The following SFTPA1 variants were observed in gnomAD, a reference collection of about 807,000 sequenced individuals.
SFTPA1 encodes the protein pulmonary surfactant-associated protein A1.
In SFTPA1, 13 loss-of-function variants were observed where a neutral mutation model predicts 19.1. That is an observed-to-expected ratio of 0.68 (90% CI 0.44 to 1.08). SFTPA1 has a LOEUF of 1.08. Ranked by LOEUF, SFTPA1 falls within the 50% of genes least tolerant of loss-of-function variation. The probability of loss-of-function intolerance (pLI) is 0.00; values close to 1 mark genes in which losing one functional copy is unlikely to be tolerated. For missense variants in SFTPA1, 259 were observed against 316.4 expected (o/e 0.82, Z 1.38); for synonymous variants, 101 against 117.0 (o/e 0.86, Z 0.88).
intron 2 of SFTPA1, 84 bp downstream of exon 2, chr10:79,611,473 A>G: frequency 8.9e-7 from 1 of 1,120,564 alleles, no homozygotes; most frequent in Non-Finnish European, 1.3e-6. Context: ...CAGAGAGGTG[A>G]AGCCAGTTTC....
At chr10:79,612,121 T>G in intron 3 of SFTPA1, 124 bp downstream of exon 3, 2 of 1,585,542 alleles carry the variant, frequency 1.3e-6, no homozygotes, top group Admixed American at 1.7e-5. Context: ...TGGGTGGGAC[T>G]TCAGTCTGCA....
At chr10:79,613,689 T>C (rs777598746) in intron 5 of SFTPA1, 48 bp from the exon 6 acceptor site, 9 of 1,613,788 alleles carry the variant, frequency 5.6e-6, no homozygotes, top group Non-Finnish European at 2.5e-6. Flanking sequence ...GGGAGGTGGC[T>C]TAGAGACAAA....
At chr10:79,612,530 C>A in intron 4 of SFTPA1, 99 bp downstream of exon 4, 1 of 1,566,376 alleles carries the variant, frequency 6.4e-7, no homozygotes, top group South Asian at 1.1e-5. Flanking sequence ...CCTACAGGTT[C>A]CCCAAGGGCA....
chr10:79,615,081 T>C lies in SFTPA1; in HGVS notation c.*968T>C. The C allele has an allele frequency of 7.7e-7, 1 of 1,305,256 alleles. No homozygotes were observed. Among genetic ancestry groups the C allele is most frequent in the East Asian group, 5.5e-5 (1 of 18,026 alleles). 80.9% of individuals were successfully genotyped at this position (1,305,256 alleles called of 1,614,324 possible). A position where few individuals can be genotyped will look rare whatever the true frequency, so the allele number is the denominator to read the frequency against. ...CTGTGAAATGGGAATAAGATACTTG[T>C]TGCTGTCACAGTTATTACCATCCCC... On this transcript the variant is annotated 3_prime_UTR_variant, in exon 6 of 6. Coordinates refer to ENST00000398636, the MANE Select transcript of SFTPA1 (RefSeq NM_005411.5).
Position 79,615,102 on chromosome 10 carries a change from TC to T in SFTPA1, c.*995del, listed in dbSNP as rs1014704721. The T allele has an allele frequency of 3.4e-4, 439 of 1,303,966 alleles. 9 individuals carry two copies. The South Asian group carries it at 3.5e-3, about 10-fold the overall frequency. The allele number at this position is 1,303,966 out of a possible 1,614,324, so 80.8% of individuals were successfully genotyped here. ...CTTGTTGCTGTCACAGTTATTACCA[TC>T]CCCCCAGCTACCAAAATTACTACCA... is the stretch of plus-strand genomic sequence containing the variant. On this transcript the variant is annotated 3_prime_UTR_variant, in exon 6 of 6. Coordinates refer to ENST00000398636, the MANE Select transcript of SFTPA1 (RefSeq NM_005411.5).
At position 79,615,054 on chromosome 10, in the gene SFTPA1, A is replaced by C. The variant is rs927559330; in HGVS notation, c.*941A>C. On this transcript the variant is annotated 3_prime_UTR_variant, in exon 6 of 6. Transcript: ENST00000398636. ...TTTTTTTCCCAGAGCTTATGTCTTCATCTGTGAAATGGGAATAAGATACTT... is the reference window on the plus strand; with the variant it reads ...TTTTTTTCCCAGAGCTTATGTCTTCCTCTGTGAAATGGGAATAAGATACTT... The C allele has an allele frequency of 3.1e-6, 4 of 1,305,260 alleles. No homozygotes were observed. The South Asian group carries it at 3.7e-5, about 12-fold the overall frequency. The allele number at this position is 1,305,260 out of a possible 1,614,324, so 80.9% of individuals were successfully genotyped here.
At position 79,614,817 on chromosome 10, in the gene SFTPA1, G is replaced by A. The variant is rs1136479; in HGVS notation, c.*704G>A. The A allele has an allele frequency of 3.1e-5, 13 of 414,050 alleles. No homozygotes were observed. Among genetic ancestry groups the A allele is most frequent in the African/African-American group, 8.4e-5 (4 of 47,444 alleles). The allele number at this position is 414,050 out of a possible 1,614,324, so 25.6% of individuals were successfully genotyped here. A position where few individuals can be genotyped will look rare whatever the true frequency, so the allele number is the denominator to read the frequency against. ...TAGGCCTCTAGGGTGACCTAGAGCC[G>A]CCTTCAGATGTGACCCGAGTAACTT... On this transcript the variant is annotated 3_prime_UTR_variant, in exon 6 of 6. Coordinates refer to ENST00000398636, the MANE Select transcript of SFTPA1 (RefSeq NM_005411.5).
In SFTPA1 at chr10:79,613,702, G is replaced by C. The variant is rs780260412; in HGVS notation, c.371-35G>C. On this transcript the variant is annotated intron_variant, in intron 5 of 5. Transcript: ENST00000398636. ...GAGGGAGGTGGCTTAGAGACAAAGT[G>C]GTCAGTGGCCTGACCCGGACTCCTC... 61 of 1,613,816 alleles carry C rather than the reference G, an allele frequency of 3.8e-5. No homozygotes were observed. In the East Asian group the frequency reaches 1.3e-3, roughly 35 times the overall value.
intron 5 of SFTPA1, among the ~76,000 whole-genome samples, 197 bp downstream of exon 5, chr10:79,613,463 A>T (rs1213244675): frequency 6.6e-6 from 1 of 152,228 alleles, no homozygotes; most frequent in East Asian, 1.9e-4. Context: ...TCCCCATTTC[A>T]TAGGAAAGCA....
rs752836856 is a variant in SFTPA1 at position 79,611,917 on chromosome 10, G to A, written c.92G>A (p.Gly31Asp). The change falls in exon 3 of 6, where the codon GGT (glycine) becomes GAT (aspartate). Residue 31 changes from glycine to aspartate, a missense_variant. Transcript: ENST00000398636. The stretch of plus-strand genomic sequence containing the variant: ...AAGGACGTTTGTGTTGGAAGCCCTG[G>A]TATCCCCGGCACTCCTGGATCCCAC... ...EVKDVCVGSP[G>D]IPGTPGSHGL... The A allele has an allele frequency of 6.2e-7, 1 of 1,613,940 alleles. No homozygotes were observed. Among genetic ancestry groups the A allele is most frequent in the East Asian group, 2.2e-5 (1 of 44,876 alleles).
intron 4 of SFTPA1, 130 bp downstream of exon 4, chr10:79,612,561 A>G: frequency 7.0e-7 from 1 of 1,433,312 alleles, no homozygotes. Flanking sequence ...CCTAAGTAAG[A>G]GAGGATAAGC....
At chr10:79,612,785 G>A (rs568732789) in intron 4 of SFTPA1, among the ~76,000 whole-genome samples, 87 of 152,252 alleles carry the variant, frequency 5.7e-4, no homozygotes, top group Non-Finnish European at 9.3e-4. Context: ...CCAGACAGAC[G>A]GTGTGATCAG....
chr10:79,611,705 C>T (rs1396656698), intron 2 of SFTPA1, 98 bp from the exon 3 acceptor site: 16 of 1,605,488 alleles, frequency 1.0e-5, no homozygotes, highest in Non-Finnish European at 1.4e-5. Context: ...GCCCGCCCTG[C>T]CTCTCGGGCT....
At chr10:79,611,649 T>C (rs1859851732) in intron 2 of SFTPA1, 154 bp from the exon 3 acceptor site, 1 of 1,557,692 alleles carries the variant, frequency 6.4e-7, no homozygotes, top group African/African-American at 1.4e-5. Flanking sequence ...CAGGTGATGC[T>C]GGGAATTTTC....
chr10:79,614,047 G>C lies in SFTPA1; in HGVS notation c.681G>C (p.Met227Ile). 6.2e-7 allele frequency: 1 copy of C among 1,614,196 alleles called. No homozygotes were observed. The highest frequency in any genetic ancestry group is 8.5e-7 in the Non-Finnish European group (1 of 1,180,018). ...AGRGKEQCVE[M>I]YTDGQWNDRN... Reference sequence around the variant, plus strand: ...GGGGAAAAGAGCAGTGTGTGGAGATGTACACAGATGGGCAGTGGAATGACA... The same window carrying C: ...GGGGAAAAGAGCAGTGTGTGGAGATCTACACAGATGGGCAGTGGAATGACA... The change falls in exon 6 of 6, where the codon ATG becomes ATC. Residue 227 changes from methionine to isoleucine, a missense_variant. By Grantham distance (10) the Met-to-Ile change is conservative. Transcript: ENST00000398636.
At chr10:79,611,444 C>T (rs367923055) in intron 2 of SFTPA1, 55 bp downstream of exon 2, 166 of 884,720 alleles carry the variant, frequency 1.9e-4, no homozygotes, top group African/African-American at 6.5e-4. Context: ...CTGCAGAGCA[C>T]GGAAGATTCA....
intron 3 of SFTPA1, among the ~76,000 whole-genome samples, 154 bp from the exon 4 acceptor site, chr10:79,612,158 T>C (rs1859889996): frequency 6.6e-6 from 1 of 152,184 alleles, no homozygotes; most frequent in Non-Finnish European, 1.5e-5. Context: ...GGGGCCCTTA[T>C]GATGGCGCAT....
In SFTPA1 at chr10:79,615,270, A is replaced by G; in HGVS notation, c.*1157A>G. The G allele has an allele frequency of 2.8e-6, 1 of 362,974 alleles. No homozygotes were observed. The highest frequency in any genetic ancestry group is 5.1e-6 in the Non-Finnish European group (1 of 194,246). 22.5% of individuals were successfully genotyped at this position (362,974 alleles called of 1,614,324 possible). Reference sequence around the variant, plus strand: ...GACCAGTATTGTTTCCTCATTTTTTATAAGGACACTGAAGCTTGGAGGAGT... The same window carrying G: ...GACCAGTATTGTTTCCTCATTTTTTGTAAGGACACTGAAGCTTGGAGGAGT... On this transcript the variant is annotated 3_prime_UTR_variant, in exon 6 of 6. Coordinates refer to ENST00000398636, the MANE Select transcript of SFTPA1 (RefSeq NM_005411.5).
In SFTPA1 at chr10:79,614,966, T is replaced by C; in HGVS notation, c.*853T>C. Reference sequence around the variant, plus strand: ...TCACCCAGATATTTCATTAAAATTATCACGTGCCAGGTCTTAGGATATGTC... The same window carrying C: ...TCACCCAGATATTTCATTAAAATTACCACGTGCCAGGTCTTAGGATATGTC... On this transcript the variant is annotated 3_prime_UTR_variant, in exon 6 of 6. Coordinates refer to ENST00000398636, the MANE Select transcript of SFTPA1 (RefSeq NM_005411.5). 7.7e-7 allele frequency: 1 copy of C among 1,299,186 alleles called. No individual in the cohort carries two copies. The highest frequency in any genetic ancestry group is 1.0e-6 in the Non-Finnish European group (1 of 985,662). The allele number at this position is 1,299,186 out of a possible 1,614,324, so 80.5% of individuals were successfully genotyped here.
Sources: gnomAD v4.1 joint callset for allele counts (sites outside exome capture counted in the v4.1 genomes callset) on GRCh38, gnomAD v4.1.1 for gene constraint, MANE v1.5 for transcripts, NCBI Gene and HGNC (gene_info 2026-07-23, HGNC 2026-07-21) for gene names.